Variants in CD80 observed in about 807,000 individuals in gnomAD.
CD80 encodes CD80 molecule.
A neutral mutation model predicts 27.1 loss-of-function variants in CD80; 13 were observed. The observed-to-expected ratio is 0.48, with a 90% CI of 0.31 to 0.76. The LOEUF is 0.76. Ranked by LOEUF, CD80 falls within the 30% of genes least tolerant of loss-of-function variation. The pLI is 0.04. For missense variants in CD80, 277 were observed against 347.9 expected, an observed-to-expected ratio of 0.80 and a Z score of 1.62; for synonymous variants, 125 against 125.5, an observed-to-expected ratio of 1.00 and a Z score of 0.03.
In CD80 at chr3:119,537,350, A is replaced by G; in HGVS notation, c.487T>C (p.Ser163Pro). ...GGCTCTGGAAAACCTCCAGAGGTTG[A>G]GCAAATTATCCTTCTAATATTAGAA... ...PTSNIRRIICSTSGGFPEPHL... is the reference protein window; with the variant it reads ...PTSNIRRIICPTSGGFPEPHL... The change falls in exon 4 of 7, where the codon TCA becomes CCA. Residue 163 changes from serine to proline, a missense_variant. Transcript: ENST00000264246. 6.2e-7 allele frequency: 1 copy of G among 1,613,644 alleles called. No individual in the cohort carries two copies. Among genetic ancestry groups the G allele is most frequent in the Non-Finnish European group, 8.5e-7 (1 of 1,179,490 alleles).
intron 4 of CD80, among the ~76,000 whole-genome samples, chr3:119,532,166 C>A (rs1377083750): frequency 6.6e-6 from 1 of 152,100 alleles, no homozygotes; most frequent in Non-Finnish European, 1.5e-5. Flanking sequence ...CCCTTACTGG[C>A]CCCAGTCTTC....
At chr3:119,527,920 CA>C in intron 5 of CD80, 79 bp from the exon 6 acceptor site, 1 of 1,282,582 alleles carries the variant, frequency 7.8e-7, no homozygotes, top group Non-Finnish European at 1.1e-6. Context: ...TTTACTTTAG[CA>C]AGGCTTCAGA....
In CD80 at chr3:119,525,386, T is replaced by TGTATATA. The variant is rs2082058719; in HGVS notation, c.*395_*401dup. The TGTATATA allele has an allele frequency of 6.6e-6, 1 of 152,164 alleles. No homozygotes were observed. The highest frequency in any genetic ancestry group is 2.4e-5 in the African/African-American group (1 of 41,436). 9.4% of individuals were successfully genotyped at this position (152,164 alleles called of 1,614,324 possible). ...AGCAGCACTTTGCCTGACATATATA[T>TGTATATA]GTATATACCAGTTAACAGGCCACAG... On this transcript the variant is annotated 3_prime_UTR_variant, in exon 7 of 7. Coordinates refer to ENST00000264246, the MANE Select transcript of CD80 (RefSeq NM_005191.4).
Position 119,545,399 on chromosome 3 carries a change from T to C in CD80, c.101-532A>G, listed in dbSNP as rs575798903. Among the ~76,000 whole-genome samples, 7 of 152,276 alleles carry C rather than the reference T, an allele frequency of 4.6e-5. No homozygotes were observed. In the East Asian group the frequency reaches 1.4e-3, roughly 29 times the overall value. ...ATTTATCATCTTATTGATTTTTAAG[T>C]GTACAGTTCAGTAATGTTAAGTATA... On this transcript the variant is annotated intron_variant, in intron 2 of 6. Coordinates refer to ENST00000264246, the MANE Select transcript of CD80 (RefSeq NM_005191.4).
At chr3:119,532,076 G>A (rs556433696) in intron 4 of CD80, among the ~76,000 whole-genome samples, 17 of 152,106 alleles carry the variant, frequency 1.1e-4, no homozygotes, top group Admixed American at 3.3e-4. Context: ...GTTGCACTCC[G>A]TTTTCTCTGA....
At position 119,557,841 on chromosome 3, in the gene CD80, TAG is replaced by T. The variant is rs1462467723; in HGVS notation, c.-115_-114del. 1 of 573,452 alleles carries T rather than the reference TAG, an allele frequency of 1.7e-6. No homozygotes were observed. 35.5% of individuals were successfully genotyped at this position (573,452 alleles called of 1,614,324 possible). A position where few individuals can be genotyped will look rare whatever the true frequency, so the allele number is the denominator to read the frequency against. ...GCTGATGACAATCCAATTGCTCACG[TAG>T]AAGACCCTCCAGTGATGTTTACAAA... On this transcript the variant is annotated 5_prime_UTR_variant, in exon 2 of 7. Transcript: ENST00000264246.
At chr3:119,539,484 A>G (rs2082156117) in intron 3 of CD80, among the ~76,000 whole-genome samples, 1 of 152,192 alleles carries the variant, frequency 6.6e-6, no homozygotes, top group East Asian at 1.9e-4. Context: ...CATTGAGCCT[A>G]TAACCTCATT....
intron 3 of CD80, among the ~76,000 whole-genome samples, chr3:119,542,079 A>T (rs2082172433): frequency 9.1e-6 from 1 of 110,098 alleles, no homozygotes; most frequent in Non-Finnish European, 1.7e-5. Flanking sequence ...CCACCCCAGG[A>T]AACACATTTT....
At chr3:119,549,561 GC>G (rs1553783716) in intron 2 of CD80, among the ~76,000 whole-genome samples, 1 of 152,130 alleles carries the variant, frequency 6.6e-6, no homozygotes, top group Non-Finnish European at 1.5e-5. Context: ...TCATTTCCAA[GC>G]CCTCTCTTTT....
chr3:119,553,103 C>CTTTATTTA (rs61318964), intron 2 of CD80, among the ~76,000 whole-genome samples: 54 of 134,132 alleles, frequency 4.0e-4, no homozygotes, highest in East Asian at 6.4e-4. Context: ...GAATTGTACA[C>CTTTATTTA]TTTATTTATT....
chr3:119,549,277 GTTC>G (rs1194878283), intron 2 of CD80, among the ~76,000 whole-genome samples: 1 of 152,088 alleles, frequency 6.6e-6, no homozygotes, highest in Non-Finnish European at 1.5e-5. Flanking sequence ...AAAATATTCT[GTTC>G]ATTTCTCCAT....
At chr3:119,533,319 A>T (rs990103941) in intron 4 of CD80, among the ~76,000 whole-genome samples, 4 of 152,150 alleles carry the variant, frequency 2.6e-5, no homozygotes, top group Non-Finnish European at 4.4e-5. Flanking sequence ...TCTCAGATGT[A>T]TCTCCTTCCA....
intron 2 of CD80, among the ~76,000 whole-genome samples, chr3:119,550,355 T>A (rs1315568425): frequency 6.6e-6 from 1 of 152,208 alleles, no homozygotes; most frequent in Non-Finnish European, 1.5e-5. Context: ...AGAGAGACTA[T>A]CTAATTTTGG....
chr3:119,527,117 A>T (rs2082071490), intron 6 of CD80, among the ~76,000 whole-genome samples: 1 of 152,218 alleles, frequency 6.6e-6, no homozygotes, highest in Admixed American at 6.5e-5. Flanking sequence ...CATGTGAGGC[A>T]CTGGAAACCA....
chr3:119,525,904 T>C (rs897187113), intron 6 of CD80, among the ~76,000 whole-genome samples, 155 bp from the exon 7 acceptor site: 1 of 148,320 alleles, frequency 6.7e-6, no homozygotes, highest in African/African-American at 2.4e-5. Flanking sequence ...TATATATATA[T>C]TTTAAATATA....
intron 2 of CD80, among the ~76,000 whole-genome samples, chr3:119,554,699 G>A (rs2082253270): frequency 6.6e-6 from 1 of 152,102 alleles, no homozygotes; most frequent in Admixed American, 6.6e-5. Context: ...CCTGAATAAA[G>A]CCCTCTATAA....
At chr3:119,545,729 T>C (rs2082198922) in intron 2 of CD80, among the ~76,000 whole-genome samples, 1 of 151,602 alleles carries the variant, frequency 6.6e-6, no homozygotes, top group South Asian at 2.1e-4. Context: ...TGAATAATAT[T>C]ACACACACAC....
chr3:119,533,627 T>C (rs1030152269), intron 4 of CD80, among the ~76,000 whole-genome samples: 11 of 152,198 alleles, frequency 7.2e-5, no homozygotes, highest in Admixed American at 7.2e-4. Context: ...AGTTTCCTTA[T>C]AACAAGCTCT....
At chr3:119,547,758 A>G (rs138165290) in intron 2 of CD80, among the ~76,000 whole-genome samples, 143 of 152,264 alleles carry the variant, frequency 9.4e-4, no homozygotes, top group African/African-American at 3.1e-3. Context: ...GTTGAATTCA[A>G]TATATTAGCA....
Sources: gnomAD v4.1 joint callset for allele counts (sites outside exome capture counted in the v4.1 genomes callset) on GRCh38, gnomAD v4.1.1 for gene constraint, MANE v1.5 for transcripts, NCBI Gene and HGNC (gene_info 2026-07-23, HGNC 2026-07-21) for gene names.